RGS20: variants seen among roughly 807,000 people sequenced by gnomAD.
RGS20 encodes regulator of G protein signaling 20, also known as gz-selective GTPase-activating protein.
RGS20 carries 30 observed loss-of-function variants against 33.6 expected under a neutral mutation model. That is an observed-to-expected ratio of 0.89 (90% CI 0.67 to 1.21). The LOEUF (loss-of-function observed/expected upper bound fraction) is 1.21, where lower values mean the gene tolerates loss of function less well. Ranked by LOEUF, RGS20 falls within the 50% of genes most tolerant of loss-of-function variation. The pLI, the probability that RGS20 is intolerant of heterozygous loss-of-function variation, is 0.00. For missense variants in RGS20, 472 were observed against 502.4 expected (o/e 0.94, Z 0.58); for synonymous variants, 208 against 197.9 (o/e 1.05, Z -0.43).
intron 2 of RGS20, among the ~76,000 whole-genome samples, chr8:53,909,089 T>C (rs1432123530): frequency 6.6e-6 from 1 of 150,508 alleles, no homozygotes; most frequent in African/African-American, 2.4e-5. Context: ...ATGAGCCAGA[T>C]ACTATTATTT....
In RGS20 at chr8:53,939,845, A is replaced by G. The variant is rs1447005770; in HGVS notation, c.659+121A>G. The G allele has an allele frequency of 2.5e-6, 3 of 1,178,072 alleles. No homozygotes were observed. The African/African-American group carries it at 4.7e-5, about 18-fold the overall frequency. The allele number at this position is 1,178,072 out of a possible 1,614,324, so 73.0% of individuals were successfully genotyped here. On this transcript the variant is annotated intron_variant, in intron 3 of 5. Coordinates refer to ENST00000297313, the MANE Select transcript of RGS20 (RefSeq NM_170587.4). ...ATGGTTAATTCAATAAGTGTTTTTT[A>G]AGCAACTACTATATGCCTGACACAC...
chr8:53,854,933 A>G (rs1463682939), intron 1 of RGS20, among the ~76,000 whole-genome samples: 1 of 152,234 alleles, frequency 6.6e-6, no homozygotes, highest in African/African-American at 2.4e-5. Context: ...AATCCTATGA[A>G]GCCACTAAAA....
At chr8:53,941,537 A>T (rs1814297260) in intron 3 of RGS20, among the ~76,000 whole-genome samples, 1 of 152,220 alleles carries the variant, frequency 6.6e-6, no homozygotes, top group African/African-American at 2.4e-5. Flanking sequence ...ATTTTGTGTT[A>T]AAAAGTGTGA....
chr8:53,958,373 A>C lies in RGS20; in HGVS notation c.1082A>C (p.His361Pro). 1 of 1,613,888 alleles carries C rather than the reference A, an allele frequency of 6.2e-7. No homozygotes were observed. The highest frequency in any genetic ancestry group is 8.5e-7 in the Non-Finnish European group (1 of 1,179,844). ...CAACTTCAGATTTACACCCTGATGC[A>C]CAGAGACTCATATCCTCGATTCATG... Residue 361 changes from histidine (H) to proline (P), a missense_variant, in exon 6 of 6, where the codon CAC (histidine) becomes CCC (proline). Physicochemically the swap from His to Pro is moderately conservative, Grantham distance 77. Coordinates refer to ENST00000297313, the MANE Select transcript of RGS20 (RefSeq NM_170587.4).
At chr8:53,953,293 G>A (rs996902225) in intron 4 of RGS20, among the ~76,000 whole-genome samples, 1 of 152,144 alleles carries the variant, frequency 6.6e-6, no homozygotes, top group African/African-American at 2.4e-5. Flanking sequence ...GGCCAAGGTG[G>A]GCAGATCGCT....
At chr8:53,940,225 A>G (rs1814249967) in intron 3 of RGS20, among the ~76,000 whole-genome samples, 1 of 152,188 alleles carries the variant, frequency 6.6e-6, no homozygotes, top group Non-Finnish European at 1.5e-5. Flanking sequence ...ATGCTAACTT[A>G]CTGGGTAGAG....
chr8:53,932,190 A>C (rs1267936449), intron 2 of RGS20, among the ~76,000 whole-genome samples: 1 of 152,022 alleles, frequency 6.6e-6, no homozygotes, highest in Non-Finnish European at 1.5e-5. Context: ...CCCTTAACAC[A>C]AAACTGGGTG....
intron 2 of RGS20, among the ~76,000 whole-genome samples, chr8:53,885,576 T>C (rs1315151299): frequency 2.0e-5 from 3 of 151,974 alleles, no homozygotes. Context: ...ATTGCGCCAC[T>C]GCACTCCAGT....
rs564427891 is a variant in RGS20 at position 53,921,917 on chromosome 8, A to G, written c.511-17659A>G. ...ATCTGTTGAGGCTGTTTTACGGCCT[A>G]TTATATGGTCTATTCTGGAGAATTT... On this transcript the variant is annotated intron_variant, in intron 2 of 5. Coordinates refer to ENST00000297313, the MANE Select transcript of RGS20 (RefSeq NM_170587.4). 2.9e-4 allele frequency among the ~76,000 whole-genome samples: 44 copies of G among 152,206 alleles called. No individual in the cohort carries two copies. The South Asian group carries it at 8.5e-3, about 29-fold the overall frequency.
At chr8:53,939,787 G>C (rs187829829) in intron 3 of RGS20, 63 bp downstream of exon 2, 1 of 1,477,600 alleles carries the variant, frequency 6.8e-7, no homozygotes, top group Non-Finnish European at 9.0e-7. Context: ...GCTCCTGACT[G>C]GGACGTGGCA....
chr8:53,946,259 C>T (rs1319618220), intron 3 of RGS20, among the ~76,000 whole-genome samples: 4 of 152,184 alleles, frequency 2.6e-5, no homozygotes, highest in African/African-American at 4.8e-5. Context: ...GACAGGGTCT[C>T]GCTATGATGC....
intron 3 of RGS20, among the ~76,000 whole-genome samples, chr8:53,943,671 A>G (rs946817395): frequency 2.0e-5 from 3 of 152,230 alleles, no homozygotes; most frequent in African/African-American, 7.2e-5. Flanking sequence ...GAAATGAGGG[A>G]AAAAGTATAT....
intron 2 of RGS20, among the ~76,000 whole-genome samples, chr8:53,908,081 G>C (rs922007570): frequency 3.9e-5 from 6 of 152,164 alleles, no homozygotes; most frequent in Admixed American, 2.6e-4. Flanking sequence ...CGCTCAATCT[G>C]AAGATCATTG....
At chr8:53,901,029 A>G (rs977142174) in intron 2 of RGS20, among the ~76,000 whole-genome samples, 1 of 150,594 alleles carries the variant, frequency 6.6e-6, no homozygotes, top group African/African-American at 2.4e-5. Context: ...TCGGTCTACC[A>G]ACAGCAACAT....
chr8:53,905,845 G>A (rs1246457001), intron 2 of RGS20, among the ~76,000 whole-genome samples: 2 of 152,202 alleles, frequency 1.3e-5, no homozygotes, highest in South Asian at 2.1e-4. Flanking sequence ...CTTCCTTGAA[G>A]CCAAACATCT....
At chr8:53,856,279 G>A (rs1811668207) in intron 1 of RGS20, among the ~76,000 whole-genome samples, 1 of 149,826 alleles carries the variant, frequency 6.7e-6, no homozygotes, top group Admixed American at 6.7e-5. Context: ...GCAGTGGCGT[G>A]ATCTCAGCTG....
At chr8:53,907,587 G>GAA (rs35788143) in intron 2 of RGS20, among the ~76,000 whole-genome samples, 2,323 of 144,482 alleles carry the variant, frequency 0.016, 50 homozygotes, top group African/African-American at 0.054. Flanking sequence ...TCCATCTCAG[G>GAA]AAAAAAAAAA....
intron 2 of RGS20, among the ~76,000 whole-genome samples, chr8:53,934,572 T>G (rs892030893): frequency 1.9e-4 from 29 of 152,172 alleles, no homozygotes; most frequent in African/African-American, 6.8e-4. Context: ...ATCCTAAACA[T>G]ATATGCACCC....
chr8:53,907,226 C>T (rs920562061), intron 2 of RGS20, among the ~76,000 whole-genome samples: 1 of 152,092 alleles, frequency 6.6e-6, no homozygotes, highest in Non-Finnish European at 1.5e-5. Context: ...TGCTTGTGAA[C>T]CACATTTTTT....
Sources: gnomAD v4.1 joint callset for allele counts (sites outside exome capture counted in the v4.1 genomes callset) on GRCh38, gnomAD v4.1.1 for gene constraint, MANE v1.5 for transcripts, NCBI Gene and HGNC (gene_info 2026-07-23, HGNC 2026-07-21) for gene names.